The following EIF2AK3 variants were observed in gnomAD, a reference collection of about 807,000 sequenced individuals.
EIF2AK3 encodes the protein eukaryotic translation initiation factor 2-alpha kinase 3.
In EIF2AK3, 50 loss-of-function variants were observed where a neutral mutation model predicts 113.5. That is an observed-to-expected ratio of 0.44 (90% confidence interval 0.35 to 0.56). The LOEUF (loss-of-function observed/expected upper bound fraction) is 0.56. Ranked by LOEUF, EIF2AK3 falls within the 20% of genes least tolerant of loss-of-function variation. The probability of loss-of-function intolerance (pLI) is 0.00; values close to 1 mark genes in which losing one functional copy is unlikely to be tolerated. For missense variants in EIF2AK3, 1,185 were observed against 1,378.0 expected (o/e 0.86, Z 2.22); for synonymous variants, 448 against 495.4 (o/e 0.90, Z 1.27).
At chr2:88,567,278 A>G (rs759053542) in intron 14 of EIF2AK3, among the ~76,000 whole-genome samples, 1 of 151,574 alleles carries the variant, frequency 6.6e-6, no homozygotes, top group Non-Finnish European at 1.5e-5. Flanking sequence ...AAACACATCT[A>G]TTTATTTGTT....
intron 2 of EIF2AK3, among the ~76,000 whole-genome samples, chr2:88,607,071 A>G (rs1001687935): frequency 2.0e-5 from 3 of 152,242 alleles, no homozygotes; most frequent in Non-Finnish European, 4.4e-5. Flanking sequence ...CACAATTACA[A>G]TATGCATTCT....
chr2:88,594,615 C>T (rs1194243521), intron 3 of EIF2AK3, among the ~76,000 whole-genome samples: 1 of 152,098 alleles, frequency 6.6e-6, no homozygotes, highest in Non-Finnish European at 1.5e-5. Flanking sequence ...AGATTATTAA[C>T]AGCATGACTT....
At chr2:88,619,447 CT>C (rs1675665339) in intron 1 of EIF2AK3, among the ~76,000 whole-genome samples, 1 of 152,216 alleles carries the variant, frequency 6.6e-6, no homozygotes, top group South Asian at 2.1e-4. Flanking sequence ...CATCTCTCCC[CT>C]ATCCTAGTTC....
chr2:88,626,894 G>GC (rs1239779552), intron 1 of EIF2AK3, 73 bp downstream of exon 1: 3 of 1,557,630 alleles, frequency 1.9e-6, no homozygotes, highest in Non-Finnish European at 2.6e-6. Context: ...CCGGATCTCC[G>GC]CCCCCCTACA....
At chr2:88,626,076 G>A (rs1675850083) in intron 1 of EIF2AK3, among the ~76,000 whole-genome samples, 2 of 152,026 alleles carry the variant, frequency 1.3e-5, no homozygotes, top group Non-Finnish European at 2.9e-5. Context: ...TTTATAAAAT[G>A]GGACATCACT....
At chr2:88,596,263 C>T (rs1225196942) in intron 2 of EIF2AK3, among the ~76,000 whole-genome samples, 1 of 152,040 alleles carries the variant, frequency 6.6e-6, no homozygotes, top group Admixed American at 6.5e-5. Context: ...AGTAAGTAAG[C>T]TTACTGGTTT....
At chr2:88,623,829 T>C (rs1236528513) in intron 1 of EIF2AK3, among the ~76,000 whole-genome samples, 1 of 152,152 alleles carries the variant, frequency 6.6e-6, no homozygotes, top group Non-Finnish European at 1.5e-5. Context: ...ACCCCAAAAC[T>C]GGGCTCTATC....
chr2:88,576,712 G>C lies in EIF2AK3; in HGVS notation c.1887-9C>G, dbSNP rs2104414509. ...TTTCCCGAGCCAATTCCCTGAAAGA[G>C]AGAAAATATTTAAGGTGATGGATAT... is the stretch of plus-strand genomic sequence containing the variant. On this transcript the variant is annotated splice_polypyrimidine_tract_variant and intron_variant, in intron 11 of 16. Coordinates refer to ENST00000303236, the MANE Select transcript of EIF2AK3 (RefSeq NM_004836.7). 1.2e-6 allele frequency: 2 copies of C among 1,613,758 alleles called. No homozygotes were observed. The highest frequency in any genetic ancestry group is 2.2e-5 in the East Asian group (1 of 44,826).
chr2:88,562,227 T>G (rs1311602329), intron 15 of EIF2AK3, 62 bp downstream of exon 15: 2 of 1,397,542 alleles, frequency 1.4e-6, no homozygotes, highest in Non-Finnish European at 2.0e-6. Context: ...TAAAAAACTC[T>G]TTTGTAAATG....
intron 2 of EIF2AK3, among the ~76,000 whole-genome samples, chr2:88,606,329 C>T (rs568695965): frequency 7.1e-4 from 107 of 151,330 alleles, no homozygotes; most frequent in Middle Eastern, 3.4e-3. Flanking sequence ...ATAAAAAAAA[C>T]AGGGCCAAAT....
chr2:88,576,028 A>C (rs565247978), intron 12 of EIF2AK3, among the ~76,000 whole-genome samples: 7 of 152,334 alleles, frequency 4.6e-5, no homozygotes, highest in Admixed American at 4.6e-4. Context: ...TATGGACAAT[A>C]TATTCAGGCT....
chr2:88,559,020 C>T, intron 15 of EIF2AK3, 41 bp from the exon 16 acceptor site: 1 of 1,356,988 alleles, frequency 7.4e-7, no homozygotes. Context: ...TTTATTTTGA[C>T]ATACAACATG....
intron 1 of EIF2AK3, among the ~76,000 whole-genome samples, chr2:88,617,215 A>C (rs768287823): frequency 3.3e-5 from 5 of 152,232 alleles, no homozygotes; most frequent in Non-Finnish European, 7.3e-5. Flanking sequence ...TGCACTATTC[A>C]CAAGAGCAAA....
chr2:88,607,211 C>T (rs2104460312), intron 2 of EIF2AK3, among the ~76,000 whole-genome samples: 2 of 152,192 alleles, frequency 1.3e-5, no homozygotes, highest in African/African-American at 2.4e-5. Flanking sequence ...AAAAACGATG[C>T]TCATGTGTTA....
At chr2:88,575,594 C>T in intron 12 of EIF2AK3, 148 bp from the exon 13 acceptor site, 1 of 826,268 alleles carries the variant, frequency 1.2e-6, no homozygotes, top group Non-Finnish European at 2.0e-6. Context: ...TAAAAACATG[C>T]AATGTGAGAT....
chr2:88,588,492 A>G (rs1370997146), intron 7 of EIF2AK3, among the ~76,000 whole-genome samples: 3 of 152,206 alleles, frequency 2.0e-5, no homozygotes, highest in Non-Finnish European at 1.5e-5. Flanking sequence ...TTACTTTGGC[A>G]TGGTCAGGGA....
At chr2:88,565,832 T>C (rs1043866643) in intron 14 of EIF2AK3, among the ~76,000 whole-genome samples, 1 of 152,254 alleles carries the variant, frequency 6.6e-6, no homozygotes, top group Non-Finnish European at 1.5e-5. Context: ...CATACAGTTT[T>C]AATTTTTCCT....
chr2:88,585,169 GAGA>G (rs993187076), intron 9 of EIF2AK3, among the ~76,000 whole-genome samples: 3 of 152,116 alleles, frequency 2.0e-5, no homozygotes, highest in African/African-American at 7.2e-5. Context: ...CTGACACATA[GAGA>G]AGAAGAAAAA....
rs2104414484 is a variant in EIF2AK3, at chr2:88,576,707, A to T, written c.1887-4T>A. On this transcript the variant is annotated splice_polypyrimidine_tract_variant and splice_region_variant and intron_variant, in intron 11 of 16. Coordinates refer to ENST00000303236, the MANE Select transcript of EIF2AK3 (RefSeq NM_004836.7). ...TACCTTTTCCCGAGCCAATTCCCTG[A>T]AAGAGAGAAAATATTTAAGGTGATG... is the stretch of plus-strand genomic sequence containing the variant. The T allele has an allele frequency of 6.2e-7, 1 of 1,613,982 alleles. No homozygotes were observed. Among genetic ancestry groups the T allele is most frequent in the Non-Finnish European group, 8.5e-7 (1 of 1,179,960 alleles).
Sources: gnomAD v4.1 joint callset for allele counts (sites outside exome capture counted in the v4.1 genomes callset) on GRCh38, gnomAD v4.1.1 for gene constraint, MANE v1.5 for transcripts, NCBI Gene and HGNC (gene_info 2026-07-23, HGNC 2026-07-21) for gene names.